The following XRCC5 variants were observed in gnomAD, a reference collection of about 807,000 sequenced individuals.
XRCC5 encodes DNA repair protein Ku80.
XRCC5 carries 12 observed loss-of-function variants against 95.7 expected under a neutral mutation model. The observed-to-expected ratio is 0.13, with a 90% CI of 0.08 to 0.20. The LOEUF (loss-of-function observed/expected upper bound fraction) is 0.20, where lower values mean the gene tolerates loss of function less well. XRCC5 is among the 10% of genes least tolerant of loss of function. The probability of loss-of-function intolerance (pLI) is 1.00; values close to 1 mark genes in which losing one functional copy is unlikely to be tolerated. For synonymous variants in XRCC5, 281 were observed against 290.3 expected, an observed-to-expected ratio of 0.97 and a Z score of 0.33; for missense variants, 595 against 873.9, an observed-to-expected ratio of 0.68 and a Z score of 4.02.
intron 19 of XRCC5, among the ~76,000 whole-genome samples, chr2:216,200,421 T>G (rs965723090): frequency 1.3e-5 from 2 of 152,226 alleles, no homozygotes; most frequent in African/African-American, 2.4e-5. Flanking sequence ...CTGCCTTAAT[T>G]CTCTGGTGTA....
intron 14 of XRCC5, among the ~76,000 whole-genome samples, chr2:216,155,516 G>C (rs1241389255): frequency 6.6e-6 from 1 of 152,076 alleles, no homozygotes; most frequent in Non-Finnish European, 1.5e-5. Context: ...GGAGAAACAG[G>C]AACTTCTGTG....
intron 19 of XRCC5, among the ~76,000 whole-genome samples, chr2:216,200,563 A>T (rs1377364288): frequency 6.6e-6 from 1 of 152,208 alleles, no homozygotes; most frequent in Admixed American, 6.5e-5. Flanking sequence ...AAATGCACAG[A>T]TCTTAACTGT....
chr2:216,152,022 A>G (rs1486238988), intron 14 of XRCC5, among the ~76,000 whole-genome samples: 3 of 152,168 alleles, frequency 2.0e-5, no homozygotes, highest in African/African-American at 4.8e-5. Context: ...TACCTTATAT[A>G]AAACCATCAG....
intron 19 of XRCC5, among the ~76,000 whole-genome samples, chr2:216,202,267 A>T (rs1689846166): frequency 6.6e-6 from 1 of 152,208 alleles, no homozygotes; most frequent in Non-Finnish European, 1.5e-5. Flanking sequence ...CCAACTGGAT[A>T]AGTCTTATCC....
intron 2 of XRCC5, among the ~76,000 whole-genome samples, chr2:216,115,639 A>G (rs1292799451): frequency 6.6e-6 from 1 of 150,980 alleles, no homozygotes; most frequent in Non-Finnish European, 1.5e-5. Context: ...CATCAATGTA[A>G]AAAGGCTTAT....
chr2:216,196,725 G>T (rs1361076965), intron 19 of XRCC5, among the ~76,000 whole-genome samples: 1 of 152,136 alleles, frequency 6.6e-6, no homozygotes, highest in African/African-American at 2.4e-5. Context: ...TTGATTGGAT[G>T]AGATCTACGA....
chr2:216,198,964 A>T (rs770635691), intron 19 of XRCC5, among the ~76,000 whole-genome samples: 1 of 152,224 alleles, frequency 6.6e-6, no homozygotes, highest in East Asian at 1.9e-4. Context: ...TTCTGGCTCA[A>T]GGAAGCTGAT....
In XRCC5 at chr2:216,132,442, T is replaced by C. The variant is rs1574458850; in HGVS notation, c.1113+55T>C. ...GCTACAGAATTGAATTGTAAGTCTA[T>C]GAAAGCAAGTTGTTTGGGGCTTTTA... is the stretch of plus-strand genomic sequence containing the variant. On this transcript the variant is annotated intron_variant, in intron 10 of 20. Coordinates refer to ENST00000392132, the MANE Select transcript of XRCC5 (RefSeq NM_021141.4). 1.9e-6 allele frequency: 3 copies of C among 1,566,498 alleles called. No individual in the cohort carries two copies. In the East Asian group the frequency reaches 6.7e-5, roughly 35 times the overall value.
chr2:216,138,028 A>G (rs964327049), intron 11 of XRCC5, 61 bp from the exon 12 acceptor site: 1 of 1,381,692 alleles, frequency 7.2e-7, no homozygotes, highest in African/African-American at 1.5e-5. Flanking sequence ...ATTTGGGATC[A>G]GTTTTATATT....
At chr2:216,187,821 ACTCTCTCTCTCT>A (rs371097633) in intron 16 of XRCC5, among the ~76,000 whole-genome samples, 153 of 47,938 alleles carry the variant, frequency 3.2e-3, no homozygotes, top group East Asian at 0.016. Context: ...ACACACACAC[ACTCTCTCTCTCT>A]CTCTCTCTCT....
chr2:216,176,407 C>G (rs918330475), intron 16 of XRCC5, among the ~76,000 whole-genome samples: 1 of 152,226 alleles, frequency 6.6e-6, no homozygotes, highest in Admixed American at 6.5e-5. Context: ...GCGTGAGCCA[C>G]TGCACCGGGC....
At chr2:216,204,241 G>T in intron 19 of XRCC5, 81 bp from the exon 20 acceptor site, 9 of 1,535,086 alleles carry the variant, frequency 5.9e-6, no homozygotes, top group Non-Finnish European at 8.1e-6. Context: ...AGGTTTTGCT[G>T]TGGCAATGCT....
At position 216,162,110 on chromosome 2, in the gene XRCC5, A is replaced by G. The variant is rs908810774; in HGVS notation, c.1834+62A>G. 12 of 1,463,290 alleles carry G rather than the reference A, an allele frequency of 8.2e-6. No homozygotes were observed. In the Admixed American group the frequency reaches 1.5e-4, roughly 18 times the overall value. The allele number at this position is 1,463,290 out of a possible 1,614,324, so 90.6% of individuals were successfully genotyped here. A position where few individuals can be genotyped will look rare whatever the true frequency, so the allele number is the denominator to read the frequency against. On this transcript the variant is annotated intron_variant, in intron 16 of 20. Coordinates refer to ENST00000392132, the MANE Select transcript of XRCC5 (RefSeq NM_021141.4). Reference sequence around the variant, plus strand: ...AGTTAAGCTAACTAATTTAAAGTCTAGATTAAGAACTGTAGCCTTTTGTTG... The same window carrying G: ...AGTTAAGCTAACTAATTTAAAGTCTGGATTAAGAACTGTAGCCTTTTGTTG...
chr2:216,123,634 C>T (rs891905886), intron 6 of XRCC5, among the ~76,000 whole-genome samples: 7 of 152,054 alleles, frequency 4.6e-5, no homozygotes, highest in Non-Finnish European at 8.8e-5. Context: ...GGCGAAACCC[C>T]GTCTCTACTA....
chr2:216,142,323 T>A (rs1268684981), intron 13 of XRCC5, among the ~76,000 whole-genome samples: 1 of 152,144 alleles, frequency 6.6e-6, no homozygotes, highest in Non-Finnish European at 1.5e-5. Flanking sequence ...AATTTCATAA[T>A]TAAAGGGAGC....
intron 13 of XRCC5, among the ~76,000 whole-genome samples, chr2:216,143,438 C>T (rs1008788842): frequency 7.2e-5 from 11 of 152,124 alleles, no homozygotes; most frequent in African/African-American, 2.4e-4. Flanking sequence ...CTATTTTGCA[C>T]ACTTATCTAC....
At chr2:216,151,938 A>G (rs1688753174) in intron 14 of XRCC5, among the ~76,000 whole-genome samples, 1 of 152,228 alleles carries the variant, frequency 6.6e-6, no homozygotes, top group Non-Finnish European at 1.5e-5. Context: ...ATCATGGCAG[A>G]AGGCGAGGGA....
intron 16 of XRCC5, among the ~76,000 whole-genome samples, chr2:216,168,993 A>G (rs1689103241): frequency 6.6e-6 from 1 of 152,236 alleles, no homozygotes; most frequent in South Asian, 2.1e-4. Context: ...TTTTAAAACA[A>G]CATTATAGGG....
intron 19 of XRCC5, among the ~76,000 whole-genome samples, chr2:216,196,218 TAAA>T (rs58466188): frequency 2.1e-5 from 3 of 141,558 alleles, no homozygotes; most frequent in South Asian, 4.5e-4. Flanking sequence ...AGATTTTTGT[TAAA>T]AAAAAAAAAA....
Sources: gnomAD v4.1 joint callset for allele counts (sites outside exome capture counted in the v4.1 genomes callset) on GRCh38, gnomAD v4.1.1 for gene constraint, MANE v1.5 for transcripts, NCBI Gene and HGNC (gene_info 2026-07-23, HGNC 2026-07-21) for gene names.